The following AGBL4 variants were observed in gnomAD, a reference collection of about 807,000 sequenced individuals.
AGBL4 encodes the protein AGBL carboxypeptidase 4, also known as cytosolic carboxypeptidase 6.
A neutral mutation model predicts 66.4 loss-of-function variants in AGBL4; 58 were observed. The observed-to-expected ratio is 0.87, with a 90% CI of 0.71 to 1.09. AGBL4 has a LOEUF of 1.09. AGBL4 is among the 50% of genes least tolerant of loss of function. The probability of loss-of-function intolerance (pLI) is 0.00; values close to 1 mark genes in which losing one functional copy is unlikely to be tolerated. For synonymous variants in AGBL4, 234 were observed against 222.9 expected (o/e 1.05, Z -0.44); for missense variants, 579 against 631.0 (o/e 0.92, Z 0.88).
At chr1:49,832,771 G>T in intron 2 of AGBL4, among the ~76,000 whole-genome samples, 1 of 152,132 alleles carries the variant, frequency 6.6e-6, no homozygotes, top group Non-Finnish European at 1.5e-5. Context: ...TTTTTCATGT[G>T]TTTTTTGGCT....
Position 48,730,703 on chromosome 1 carries a change from C to T in AGBL4, c.635-67462G>A, listed in dbSNP as rs148687855. On this transcript the variant is annotated intron_variant, in intron 6 of 13. Transcript: ENST00000371839. ...TTGATTAAAAGGCTTTCGTTAGACT[C>T]TAGATATTAATCACCTGCAGTTGCC... Among the ~76,000 whole-genome samples, 13 of 152,276 alleles carry T rather than the reference C, an allele frequency of 8.5e-5. No homozygotes were observed. The East Asian group carries it at 1.4e-3, about 16-fold the overall frequency.
At chr1:49,510,102 TC>T (rs1649072440) in intron 3 of AGBL4, among the ~76,000 whole-genome samples, 1 of 151,958 alleles carries the variant, frequency 6.6e-6, no homozygotes, top group South Asian at 2.1e-4. Context: ...CAGGACATTC[TC>T]CCCATAGCAT....
intron 6 of AGBL4, among the ~76,000 whole-genome samples, chr1:48,861,060 G>A (rs750745985): frequency 1.6e-4 from 24 of 151,976 alleles, no homozygotes; most frequent in Non-Finnish European, 3.2e-4. Flanking sequence ...AATAAAACAA[G>A]AACAGGTGGG....
At chr1:49,358,348 A>C (rs1025662106) in intron 3 of AGBL4, among the ~76,000 whole-genome samples, 1 of 151,742 alleles carries the variant, frequency 6.6e-6, no homozygotes, top group African/African-American at 2.4e-5. Flanking sequence ...TGAATGAAAC[A>C]CTCCTGCTTA....
At chr1:48,712,795 T>C (rs1646988845) in intron 6 of AGBL4, among the ~76,000 whole-genome samples, 1 of 152,194 alleles carries the variant, frequency 6.6e-6, no homozygotes, top group Admixed American at 6.5e-5. Flanking sequence ...AATTATCAAA[T>C]TGACCTTGTC....
intron 1 of AGBL4, among the ~76,000 whole-genome samples, chr1:49,873,768 A>G (rs1002827510): frequency 2.0e-5 from 3 of 152,096 alleles, no homozygotes; most frequent in Admixed American, 2.0e-4. Flanking sequence ...TGTTTCTGTG[A>G]TTCCATGCTT....
At chr1:49,100,958 T>C (rs918511589) in intron 4 of AGBL4, among the ~76,000 whole-genome samples, 7 of 152,018 alleles carry the variant, frequency 4.6e-5, no homozygotes, top group African/African-American at 1.7e-4. Flanking sequence ...CAGTAAATGG[T>C]AGGGCGGACA....
Position 49,662,201 on chromosome 1 carries a change from A to AAC in AGBL4, c.282+35111_282+35112insGT, listed in dbSNP as rs1646282636. ...CTTGATTGTCATCACAGTCTCACAGAATATATATATATGTATATATATAAC... is the reference window on the plus strand; with the variant it reads ...CTTGATTGTCATCACAGTCTCACAGAACATATATATATATGTATATATATAAC... On this transcript the variant is annotated intron_variant, in intron 3 of 13. Coordinates refer to ENST00000371839, the MANE Select transcript of AGBL4 (RefSeq NM_032785.4). 2.0e-5 allele frequency among the ~76,000 whole-genome samples: 3 copies of AAC among 150,632 alleles called. No homozygotes were observed. The South Asian group carries it at 6.2e-4, about 31-fold the overall frequency.
intron 3 of AGBL4, among the ~76,000 whole-genome samples, chr1:49,639,704 G>A (rs1332985292): frequency 6.6e-6 from 1 of 152,146 alleles, no homozygotes; most frequent in African/African-American, 2.4e-5. Flanking sequence ...CAGTGTAGTA[G>A]AATAAGAGAA....
intron 4 of AGBL4, among the ~76,000 whole-genome samples, chr1:49,170,085 T>C (rs1646706649): frequency 6.6e-6 from 1 of 151,704 alleles, no homozygotes; most frequent in East Asian, 1.9e-4. Context: ...TTCACCACTG[T>C]ACAATTCATC....
In AGBL4 at chr1:49,818,047, G is replaced by C. The variant is rs544846242; in HGVS notation, c.157+33349C>G. Among the ~76,000 whole-genome samples the C allele has an allele frequency of 2.6e-5, 4 of 152,138 alleles. No homozygotes were observed. The South Asian group carries it at 8.3e-4, about 32-fold the overall frequency. On this transcript the variant is annotated intron_variant, in intron 2 of 13. Coordinates refer to ENST00000371839, the MANE Select transcript of AGBL4 (RefSeq NM_032785.4). ...TCAATCTTTCTGTTCTTAATTTTTT[G>C]TAACTTGTTTTAAGTAAGGTAAGCC... is the stretch of plus-strand genomic sequence containing the variant.
At chr1:48,845,481 G>T (rs1646889656) in intron 6 of AGBL4, among the ~76,000 whole-genome samples, 1 of 152,226 alleles carries the variant, frequency 6.6e-6, no homozygotes, top group South Asian at 2.1e-4. Context: ...CACACTGGAA[G>T]ATTTGAAGAG....
intron 3 of AGBL4, among the ~76,000 whole-genome samples, chr1:49,523,278 G>C (rs1009648911): frequency 6.6e-5 from 10 of 151,954 alleles, no homozygotes; most frequent in African/African-American, 1.9e-4. Flanking sequence ...AAGCAAAATA[G>C]GCACATGATT....
intron 4 of AGBL4, among the ~76,000 whole-genome samples, chr1:49,175,350 G>A (rs1197777378): frequency 1.3e-5 from 2 of 151,958 alleles, no homozygotes; most frequent in Admixed American, 6.6e-5. Flanking sequence ...GGGATGGACT[G>A]AAAAGAAAGG....
intron 3 of AGBL4, among the ~76,000 whole-genome samples, chr1:49,592,784 T>C (rs560283891): frequency 9.2e-5 from 14 of 152,274 alleles, no homozygotes; most frequent in Middle Eastern, 3.4e-3. Flanking sequence ...TATATACTAT[T>C]GGTGGGAATG....
At chr1:48,892,760 C>T (rs186970204) in intron 5 of AGBL4, among the ~76,000 whole-genome samples, 2 of 152,238 alleles carry the variant, frequency 1.3e-5, no homozygotes, top group African/African-American at 4.8e-5. Context: ...TAAGCAGTTC[C>T]CAGCTTGAAT....
chr1:49,372,858 A>C (rs899740232), intron 3 of AGBL4, among the ~76,000 whole-genome samples: 4 of 151,872 alleles, frequency 2.6e-5, no homozygotes, highest in Admixed American at 2.6e-4. Flanking sequence ...TCCTGGGCTC[A>C]AGCAATCTTC....
chr1:48,931,823 T>G (rs1289328316), intron 5 of AGBL4, among the ~76,000 whole-genome samples: 1 of 152,304 alleles, frequency 6.6e-6, no homozygotes, highest in African/African-American at 2.4e-5. Context: ...TGGCATTTTT[T>G]TCTTCACAGC....
chr1:49,050,197 C>T (rs1460266507), intron 4 of AGBL4, among the ~76,000 whole-genome samples: 1 of 152,114 alleles, frequency 6.6e-6, no homozygotes, highest in African/African-American at 2.4e-5. Flanking sequence ...AGGACATCCA[C>T]ATGAATGAGG....
Sources: gnomAD v4.1 joint callset for allele counts (sites outside exome capture counted in the v4.1 genomes callset) on GRCh38, gnomAD v4.1.1 for gene constraint, MANE v1.5 for transcripts, NCBI Gene and HGNC (gene_info 2026-07-23, HGNC 2026-07-21) for gene names.